GALNT17: variants seen among roughly 807,000 people sequenced by gnomAD.
GALNT17 encodes polypeptide N-acetylgalactosaminyltransferase 17, also known as UDP-GalNAc:polypeptide N-acetylgalactosaminyltransferase-like 3.
GALNT17 carries 29 observed loss-of-function variants against 63.7 expected under a neutral mutation model. The ratio of observed to expected loss-of-function variants is 0.46; its 90% confidence interval spans 0.34 to 0.62. The LOEUF is 0.62. Ranked by LOEUF, GALNT17 falls within the 20% of genes least tolerant of loss-of-function variation. The pLI is 0.01. For missense variants in GALNT17, 603 were observed against 799.6 expected (o/e 0.75, Z 2.97); for synonymous variants, 305 against 318.3 (o/e 0.96, Z 0.45).
rs1442201535 is a variant in GALNT17 at position 71,276,437 on chromosome 7, T to A, written c.239-59113T>A. Among the ~76,000 whole-genome samples, 6 of 152,340 alleles carry A rather than the reference T, an allele frequency of 3.9e-5. No homozygotes were observed. In the East Asian group the frequency reaches 1.2e-3, roughly 29 times the overall value. On this transcript the variant is annotated intron_variant, in intron 1 of 10. Coordinates refer to ENST00000333538, the MANE Select transcript of GALNT17 (RefSeq NM_022479.3). ...CTCTTTGTCCCCCACAAATCTCACC[T>A]TGAATTGTAATAATCCCCACATGTC...
chr7:71,366,304 G>A (rs1392523388), intron 2 of GALNT17, among the ~76,000 whole-genome samples: 10 of 152,048 alleles, frequency 6.6e-5, no homozygotes, highest in African/African-American at 1.9e-4. Context: ...AGAAACCCTC[G>A]GCTGGGCACG....
chr7:71,508,833 G>C (rs1788306810), intron 5 of GALNT17, among the ~76,000 whole-genome samples: 1 of 152,162 alleles, frequency 6.6e-6, no homozygotes, highest in South Asian at 2.1e-4. Flanking sequence ...TGGTTTTGCA[G>C]TTTGCTTAGA....
At chr7:71,242,243 TC>T (rs1258942138) in intron 1 of GALNT17, among the ~76,000 whole-genome samples, 2,645 of 144,106 alleles carry the variant, frequency 0.018, 31 homozygotes, top group Non-Finnish European at 0.029. Flanking sequence ...GGATCACATT[TC>T]TTTTTTTTTT....
chr7:71,145,714 T>C (rs1788008127), intron 1 of GALNT17, among the ~76,000 whole-genome samples: 1 of 152,122 alleles, frequency 6.6e-6, no homozygotes, highest in Non-Finnish European at 1.5e-5. Context: ...ATTTTTTTAT[T>C]TTTATTTTTT....
chr7:71,639,186 A>C (rs2117003788), intron 6 of GALNT17, among the ~76,000 whole-genome samples: 1 of 152,246 alleles, frequency 6.6e-6, no homozygotes. Context: ...CTGTGTCAAA[A>C]CGTCTCGTGT....
At chr7:71,374,417 G>T (rs1367072723) in intron 2 of GALNT17, among the ~76,000 whole-genome samples, 1 of 152,208 alleles carries the variant, frequency 6.6e-6, no homozygotes, top group African/African-American at 2.4e-5. Flanking sequence ...GCTGGGGGCC[G>T]CCTTTCTGCT....
intron 3 of GALNT17, among the ~76,000 whole-genome samples, chr7:71,406,399 G>A (rs534325038): frequency 6.6e-6 from 1 of 152,038 alleles, no homozygotes; most frequent in Admixed American, 6.6e-5. Flanking sequence ...ATGCATTTTT[G>A]GAGAACTTAC....
At chr7:71,530,167 G>A (rs566695463) in intron 5 of GALNT17, among the ~76,000 whole-genome samples, 26 of 152,276 alleles carry the variant, frequency 1.7e-4, no homozygotes, top group African/African-American at 4.6e-4. Flanking sequence ...GACCCAGGGG[G>A]CAAGTCCTGG....
intron 1 of GALNT17, among the ~76,000 whole-genome samples, chr7:71,306,769 A>T (rs1791307395): frequency 6.6e-6 from 1 of 152,176 alleles, no homozygotes; most frequent in Non-Finnish European, 1.5e-5. Context: ...AAATAGTGCT[A>T]CTATGAGCAT....
chr7:71,341,735 T>C (rs1792008415), intron 2 of GALNT17, among the ~76,000 whole-genome samples: 1 of 152,202 alleles, frequency 6.6e-6, no homozygotes, highest in African/African-American at 2.4e-5. Context: ...CGCAAAAATG[T>C]AGGCTCTTAA....
At chr7:71,467,172 A>G (rs1334610868) in intron 5 of GALNT17, among the ~76,000 whole-genome samples, 3 of 152,156 alleles carry the variant, frequency 2.0e-5, no homozygotes, top group Admixed American at 1.3e-4. Flanking sequence ...CCCTAAGTCT[A>G]GTTCCTCTTT....
chr7:71,508,348 A>G (rs78723312), intron 5 of GALNT17, among the ~76,000 whole-genome samples: 1 of 152,212 alleles, frequency 6.6e-6, no homozygotes, highest in African/African-American at 2.4e-5. Context: ...GCTTGGAAAT[A>G]TTAGAGCAAT....
chr7:71,512,600 T>G (rs6460660), intron 5 of GALNT17, among the ~76,000 whole-genome samples: 147,101 of 152,292 alleles, frequency 0.97, 71,077 homozygotes, highest in East Asian at 1. Flanking sequence ...TCTGCTCTGA[T>G]GCCCCTTCAG....
chr7:71,195,814 G>C (rs932123904), intron 1 of GALNT17, among the ~76,000 whole-genome samples: 1 of 152,060 alleles, frequency 6.6e-6, no homozygotes, highest in Admixed American at 6.6e-5. Context: ...CTCTCAAAGC[G>C]CTGGGGTTAC....
At chr7:71,244,110 A>T (rs1019388412) in intron 1 of GALNT17, among the ~76,000 whole-genome samples, 14 of 152,166 alleles carry the variant, frequency 9.2e-5, no homozygotes, top group African/African-American at 3.4e-4. Flanking sequence ...GAGAGTGTGG[A>T]TACAGAACTG....
intron 5 of GALNT17, among the ~76,000 whole-genome samples, chr7:71,474,506 C>T (rs537050817): frequency 1.1e-3 from 174 of 152,164 alleles, no homozygotes; most frequent in African/African-American, 4.0e-3. Flanking sequence ...TCAGTAAAGT[C>T]TAACATCCAG....
chr7:71,613,973 A>T (rs924298599), intron 6 of GALNT17, among the ~76,000 whole-genome samples: 1 of 151,162 alleles, frequency 6.6e-6, no homozygotes. Flanking sequence ...CACACAAAAA[A>T]CTCATAACAT....
rs75036745 is a variant in GALNT17 at position 71,621,794 on chromosome 7, G to A, written c.1081-43617G>A. Among the ~76,000 whole-genome samples, 80 of 152,244 alleles carry A rather than the reference G, an allele frequency of 5.3e-4. 2 individuals are homozygous for A. The East Asian group carries it at 0.015, about 29-fold the overall frequency. Reference sequence around the variant, plus strand: ...ATGCACCCTTTAATTCTTCATCGAAGGGTTCCCTTGGCCTCTCTTCCAGAT... The same window carrying A: ...ATGCACCCTTTAATTCTTCATCGAAAGGTTCCCTTGGCCTCTCTTCCAGAT... On this transcript the variant is annotated intron_variant, in intron 6 of 10. Coordinates refer to ENST00000333538, the MANE Select transcript of GALNT17 (RefSeq NM_022479.3).
chr7:71,484,380 C>T (rs556063514), intron 5 of GALNT17, among the ~76,000 whole-genome samples: 243 of 152,150 alleles, frequency 1.6e-3, no homozygotes, highest in African/African-American at 5.6e-3. Context: ...CCCAGCTACT[C>T]GGGTGGCTGA....
Sources: gnomAD v4.1 joint callset for allele counts (sites outside exome capture counted in the v4.1 genomes callset) on GRCh38, gnomAD v4.1.1 for gene constraint, MANE v1.5 for transcripts, NCBI Gene and HGNC (gene_info 2026-07-23, HGNC 2026-07-21) for gene names.